The following NOX1 variants were observed in gnomAD, a reference collection of about 807,000 sequenced individuals.
NOX1 encodes the protein NADH/NADPH mitogenic oxidase subunit P65-MOX.
In NOX1, 34 loss-of-function variants were observed where a neutral mutation model predicts 42.5. The observed-to-expected ratio is 0.80, with a 90% CI of 0.61 to 1.07. The LOEUF (loss-of-function observed/expected upper bound fraction) is 1.07. Among genes scored for constraint, NOX1 ranks in the 50% least tolerant of loss-of-function variants. The probability of loss-of-function intolerance (pLI) is 0.00; values close to 1 mark genes in which losing one functional copy is unlikely to be tolerated. For synonymous variants in NOX1, 143 were observed against 152.5 expected, an observed-to-expected ratio of 0.94 and a Z score of 0.46; for missense variants, 408 against 427.0, an observed-to-expected ratio of 0.96 and a Z score of 0.39.
At chrX:100,863,625 G>A in intron 2 of NOX1, 30 bp from the exon 3 acceptor site, 1 of 1,186,056 alleles carries the variant, frequency 8.4e-7, no homozygotes, top group Non-Finnish European at 1.1e-6. Context: ...GAGACCATCA[G>A]CTGCTTCATT....
chrX:100,855,775 C>T (rs1569446486), intron 7 of NOX1: 11 of 1,052,963 alleles, frequency 1.0e-5, no homozygotes, highest in Non-Finnish European at 1.4e-5. Context: ...TCATTCCCAC[C>T]AAAACCACCT....
chrX:100,863,839 T>G (rs1488402882), intron 2 of NOX1, among the ~76,000 whole-genome samples: 1 of 112,173 alleles, frequency 8.9e-6, no homozygotes, highest in East Asian at 2.8e-4. Flanking sequence ...CTACATTTAT[T>G]AACATGAAAG....
chrX:100,858,123 A>AAG (rs1329382625), intron 7 of NOX1, among the ~76,000 whole-genome samples: 1 of 111,896 alleles, frequency 8.9e-6, no homozygotes, highest in Non-Finnish European at 1.9e-5. Context: ...GGTGTAAGGA[A>AAG]AGAGTCCAGT....
In NOX1 at chrX:100,849,888, G is replaced by A; in HGVS notation, c.1180C>T (p.Gln394Ter). The stretch of plus-strand genomic sequence containing the variant: ...CCAACCAGCACAGCCACTTCATACT[G>A]GAAAACATCCTCACTGGCTGTGCCA... ...PFGTASEDVF[Q>*]YEVAVLVGAG... is the part of the protein sequence containing the mutation. Residue 394 changes from glutamine to a stop codon, truncating the protein, a stop_gained, in exon 10 of 13, where the codon CAG becomes TAG. Transcript: ENST00000372966. LOFTEE classifies it high-confidence loss of function. The A allele has an allele frequency of 8.3e-7, 1 of 1,209,905 alleles. No individual in the cohort carries two copies. The highest frequency in any genetic ancestry group is 1.8e-5 in the South Asian group (1 of 56,490).
chrX:100,849,090 A>AAG (rs72230229), intron 11 of NOX1, among the ~76,000 whole-genome samples, 190 bp downstream of exon 11: 1,762 of 108,249 alleles, frequency 0.016, 35 homozygotes, highest in African/African-American at 0.056. Context: ...AAGAAAAAAA[A>AAG]AAGAAGAAAG....
At chrX:100,853,338 CTT>C (rs1367555847) in intron 7 of NOX1, among the ~76,000 whole-genome samples, 17 of 86,428 alleles carry the variant, frequency 2.0e-4, no homozygotes, top group South Asian at 5.9e-4. Flanking sequence ...CTTTCTCTTT[CTT>C]TCTTTCTTTC....
At chrX:100,854,018 C>G in intron 7 of NOX1, among the ~76,000 whole-genome samples, 1 of 111,325 alleles carries the variant, frequency 9.0e-6, no homozygotes, top group Non-Finnish European at 1.9e-5. Flanking sequence ...TGGTGCGCGC[C>G]TGTAGTCCCA....
At chrX:100,853,296 T>TC (rs1457859725) in intron 7 of NOX1, among the ~76,000 whole-genome samples, 72 of 63,780 alleles carry the variant, frequency 1.1e-3, no homozygotes, top group African/African-American at 4.8e-3. Context: ...CTTTCTTTCT[T>TC]TCTTTCTTTC....
chrX:100,862,676 C>T lies in NOX1; in HGVS notation c.482G>A (p.Arg161Gln). ...GGSWLNPIQS[R>Q]NTTVEYVTFT... ...GCTAGAAAGTCAACTCACCGTGTTT[C>T]GGGACTGGATGGGATTTAGCCAAGA... The change falls in exon 5 of 13, where the codon CGA (arginine) becomes CAA (glutamine). Residue 161 changes from arginine to glutamine, a missense_variant. Transcript: ENST00000372966. 7 of 1,194,020 alleles carry T rather than the reference C, an allele frequency of 5.9e-6. No homozygotes were observed. The highest frequency in any genetic ancestry group is 1.9e-5 in the South Asian group (1 of 53,904).
intron 7 of NOX1, 36 bp downstream of exon 7, chrX:100,862,135 C>T: frequency 8.4e-7 from 1 of 1,195,279 alleles, no homozygotes. Context: ...GTAACAGCTC[C>T]TAACAAGAGT....
chrX:100,845,259 T>C (rs968489782), intron 12 of NOX1, among the ~76,000 whole-genome samples: 3 of 111,590 alleles, frequency 2.7e-5, no homozygotes, highest in Non-Finnish European at 1.9e-5. Flanking sequence ...CTTTACTTTC[T>C]GTCTCTGTGG....
intron 2 of NOX1, among the ~76,000 whole-genome samples, chrX:100,867,695 G>A (rs1422799104): frequency 9.1e-6 from 1 of 109,531 alleles, no homozygotes; most frequent in Non-Finnish European, 1.9e-5. Flanking sequence ...TCATGCCACT[G>A]CATGCCAGCC....
intron 2 of NOX1, among the ~76,000 whole-genome samples, chrX:100,866,347 C>T (rs933142848): frequency 2.7e-5 from 3 of 111,144 alleles, no homozygotes; most frequent in African/African-American, 6.5e-5. Flanking sequence ...TATGTGTTTA[C>T]CCAAACTCAT....
At chrX:100,853,946 C>T (rs938231335) in intron 7 of NOX1, among the ~76,000 whole-genome samples, 1 of 111,977 alleles carries the variant, frequency 8.9e-6, no homozygotes, top group African/African-American at 3.2e-5. Context: ...AGTTCGAGAC[C>T]AGTCTGGTCA....
chrX:100,860,930 G>C (rs1441301782), intron 7 of NOX1, among the ~76,000 whole-genome samples: 1 of 110,636 alleles, frequency 9.0e-6, no homozygotes, highest in East Asian at 2.8e-4. Flanking sequence ...GTAGAGATGG[G>C]GTTTTGCCAT....
intron 1 of NOX1, among the ~76,000 whole-genome samples, chrX:100,873,279 G>A (rs1329980522): frequency 9.0e-6 from 1 of 111,674 alleles, no homozygotes; most frequent in Admixed American, 9.5e-5. Context: ...GGGTGATAAA[G>A]GGGTTCTGGC....
rs376659757 is a variant in NOX1 at position 100,859,759 on chromosome X, GT to G, written c.804+2411del. Among the ~76,000 whole-genome samples the G allele has an allele frequency of 1.1e-3, 108 of 96,648 alleles. 1 individual carries two copies. Among genetic ancestry groups the G allele is most frequent in the East Asian group, 2.3e-3 (7 of 3,104 alleles). 83.9% of individuals were successfully genotyped at this position (96,648 alleles called of 115,157 possible). ...GAGATGTTCATAGTAGTCTCTGAGG[GT>G]TTTTTTTTTTTTAATTTCTGTGCGG... On this transcript the variant is annotated intron_variant, in intron 7 of 12. Transcript: ENST00000372966.
chrX:100,843,381 G>T lies in NOX1; in HGVS notation c.*571C>A, dbSNP rs1192788658. ...TGAGCAAAAATAAGAATAAATTGCT[G>T]TTCACACTGGATAAGACCATATCAA... On this transcript the variant is annotated 3_prime_UTR_variant, in exon 13 of 13. Coordinates refer to ENST00000372966, the MANE Select transcript of NOX1 (RefSeq NM_007052.5). 3 of 1,137,148 alleles carry T rather than the reference G, an allele frequency of 2.6e-6. No homozygotes were observed. The highest frequency in any genetic ancestry group is 3.5e-6 in the Non-Finnish European group (3 of 861,081). The allele number at this position is 1,137,148 out of a possible 1,213,427, so 93.7% of individuals were successfully genotyped here.
At chrX:100,851,895 C>A (rs1457505179) in intron 7 of NOX1, among the ~76,000 whole-genome samples, 1 of 103,724 alleles carries the variant, frequency 9.6e-6, no homozygotes, top group Non-Finnish European at 2.0e-5. Flanking sequence ...CCAGCCTGGG[C>A]AACAGAGCAA....
Sources: allele counts gnomAD v4.1 joint callset (sites outside exome capture counted in the v4.1 genomes callset), GRCh38; gene constraint gnomAD v4.1.1; transcripts MANE v1.5; gene names NCBI Gene and HGNC (gene_info 2026-07-23, HGNC 2026-07-21).